The following TRPC6 variants were observed in gnomAD, a reference collection of about 807,000 sequenced individuals.
The protein encoded by TRPC6 is transient receptor potential cation channel subfamily C member 6.
Under a neutral mutation model 90.7 loss-of-function variants are expected in TRPC6, and 55 were observed. The observed-to-expected ratio is 0.61, with a 90% CI of 0.49 to 0.76. TRPC6 has a LOEUF of 0.76. TRPC6 is among the 30% of genes least tolerant of loss of function. TRPC6 has a pLI of 0.00. For synonymous variants in TRPC6, 393 were observed against 393.0 expected (o/e 1.00, Z 0.00); for missense variants, 989 against 1,122.7 (o/e 0.88, Z 1.70).
At chr11:101,559,252 T>A in intron 1 of TRPC6, among the ~76,000 whole-genome samples, 1 of 152,170 alleles carries the variant, frequency 6.6e-6, no homozygotes. Flanking sequence ...ATATTTTAAA[T>A]GTTCAACATC....
At chr11:101,470,440 G>C (rs996968392) in intron 9 of TRPC6, among the ~76,000 whole-genome samples, 3 of 151,818 alleles carry the variant, frequency 2.0e-5, no homozygotes, top group Non-Finnish European at 2.9e-5. Flanking sequence ...TTCCATTCTG[G>C]TCCTCCTCCT....
chr11:101,459,210 T>C (rs1447629374), intron 10 of TRPC6, among the ~76,000 whole-genome samples: 1 of 152,078 alleles, frequency 6.6e-6, no homozygotes, highest in Non-Finnish European at 1.5e-5. Flanking sequence ...AAGTATGAGA[T>C]GTACCCAGGA....
At chr11:101,574,213 G>A (rs1002341704) in intron 1 of TRPC6, among the ~76,000 whole-genome samples, 1 of 150,954 alleles carries the variant, frequency 6.6e-6, no homozygotes, top group African/African-American at 2.5e-5. Flanking sequence ...AAGCTTCTGA[G>A]TTGAAAAGTG....
intron 1 of TRPC6, among the ~76,000 whole-genome samples, chr11:101,551,300 G>A (rs1861443373): frequency 6.6e-6 from 1 of 151,886 alleles, no homozygotes; most frequent in South Asian, 2.1e-4. Context: ...GTTATTAACT[G>A]CAACCATAAA....
intron 5 of TRPC6, among the ~76,000 whole-genome samples, chr11:101,478,629 CT>C (rs756494496): frequency 6.6e-6 from 1 of 152,074 alleles, no homozygotes; most frequent in East Asian, 1.9e-4. Flanking sequence ...CTGAGGACCC[CT>C]GAGAGCTGCC....
intron 1 of TRPC6, among the ~76,000 whole-genome samples, chr11:101,568,033 G>A (rs1861875327): frequency 6.6e-6 from 1 of 152,170 alleles, no homozygotes; most frequent in Non-Finnish European, 1.5e-5. Flanking sequence ...CGAACTGACA[G>A]AAATAGGCTT....
intron 2 of TRPC6, among the ~76,000 whole-genome samples, chr11:101,493,385 G>A (rs372879715): frequency 6.6e-6 from 1 of 152,142 alleles, no homozygotes; most frequent in African/African-American, 2.4e-5. Context: ...GGACAAGCTT[G>A]AGCTAGAGCT....
intron 2 of TRPC6, among the ~76,000 whole-genome samples, chr11:101,501,506 C>T (rs1216102623): frequency 6.6e-6 from 1 of 151,998 alleles, no homozygotes; most frequent in African/African-American, 2.4e-5. Context: ...CTGTAAGGTC[C>T]CACTCTGCTG....
intron 1 of TRPC6, among the ~76,000 whole-genome samples, chr11:101,511,929 G>T (rs1311863578): frequency 6.6e-6 from 1 of 152,042 alleles, no homozygotes; most frequent in South Asian, 2.1e-4. Flanking sequence ...GGAGGCAGAG[G>T]TTGCAGTGAG....
chr11:101,513,828 G>A (rs1860452805), intron 1 of TRPC6, among the ~76,000 whole-genome samples: 1 of 152,170 alleles, frequency 6.6e-6, no homozygotes, highest in African/African-American at 2.4e-5. Context: ...ATAATCTGAT[G>A]TCATAGAAAC....
At chr11:101,554,307 C>G (rs1025853142) in intron 1 of TRPC6, among the ~76,000 whole-genome samples, 1 of 151,526 alleles carries the variant, frequency 6.6e-6, no homozygotes, top group Non-Finnish European at 1.5e-5. Context: ...GCTGGAACAA[C>G]AAAAGAAAGT....
At chr11:101,460,667 A>G (rs926594370) in intron 10 of TRPC6, among the ~76,000 whole-genome samples, 1 of 152,204 alleles carries the variant, frequency 6.6e-6, no homozygotes, top group East Asian at 1.9e-4. Flanking sequence ...AAGAGCCATA[A>G]CCATCTCCTT....
At chr11:101,572,152 A>G (rs1361839705) in intron 1 of TRPC6, among the ~76,000 whole-genome samples, 1 of 152,062 alleles carries the variant, frequency 6.6e-6, no homozygotes, top group Admixed American at 6.6e-5. Context: ...AGACTCTACA[A>G]AGAACTTAAG....
At chr11:101,567,510 C>T (rs1861864589) in intron 1 of TRPC6, among the ~76,000 whole-genome samples, 2 of 152,202 alleles carry the variant, frequency 1.3e-5, no homozygotes, top group African/African-American at 4.8e-5. Context: ...AGTGTTCGAG[C>T]TCTGATAAGG....
At chr11:101,580,371 A>G (rs1021468280) in intron 1 of TRPC6, among the ~76,000 whole-genome samples, 1 of 152,208 alleles carries the variant, frequency 6.6e-6, no homozygotes, top group Non-Finnish European at 1.5e-5. Flanking sequence ...ATTGATCACA[A>G]TAGAGAATAT....
chr11:101,529,983 A>G (rs1392691070), intron 1 of TRPC6, among the ~76,000 whole-genome samples: 1 of 152,204 alleles, frequency 6.6e-6, no homozygotes, highest in East Asian at 1.9e-4. Flanking sequence ...TCCTGCCACC[A>G]GAACCATCCT....
At chr11:101,499,320 A>G (rs957153469) in intron 2 of TRPC6, among the ~76,000 whole-genome samples, 2 of 152,068 alleles carry the variant, frequency 1.3e-5, no homozygotes, top group Admixed American at 1.3e-4. Context: ...GGTTTGCAGA[A>G]CTCAAAATTT....
At chr11:101,470,181 ACTT>A (rs1345007654) in intron 9 of TRPC6, among the ~76,000 whole-genome samples, 1 of 152,202 alleles carries the variant, frequency 6.6e-6, no homozygotes, top group Admixed American at 6.5e-5. Context: ...GAGGCTCACT[ACTT>A]CTAAAGGCAG....
At chr11:101,559,314 C>T (rs1294422589) in intron 1 of TRPC6, among the ~76,000 whole-genome samples, 1 of 152,158 alleles carries the variant, frequency 6.6e-6, no homozygotes, top group African/African-American at 2.4e-5. Flanking sequence ...CCTAATTTTA[C>T]ACTGTATTCA....
Sources: gnomAD v4.1 joint callset for allele counts (sites outside exome capture counted in the v4.1 genomes callset) on GRCh38, gnomAD v4.1.1 for gene constraint, MANE v1.5 for transcripts, NCBI Gene and HGNC (gene_info 2026-07-23, HGNC 2026-07-21) for gene names.